Variants in RALGPS2 observed in about 807,000 individuals in gnomAD.
RALGPS2 encodes the protein Ral GEF with PH domain and SH3 binding motif 2.
A neutral mutation model predicts 86.8 loss-of-function variants in RALGPS2; 43 were observed. That is an observed-to-expected ratio of 0.50 (90% confidence interval 0.39 to 0.64). RALGPS2 has a LOEUF of 0.64. Among genes scored for constraint, RALGPS2 ranks in the 30% least tolerant of loss-of-function variants. The pLI is 0.00. For synonymous variants in RALGPS2, 243 were observed against 231.3 expected (o/e 1.05, Z -0.46); for missense variants, 536 against 694.6 (o/e 0.77, Z 2.57).
intron 6 of RALGPS2, among the ~76,000 whole-genome samples, chr1:178,820,309 T>C (rs1408802693): frequency 6.6e-6 from 1 of 152,178 alleles, no homozygotes; most frequent in Non-Finnish European, 1.5e-5. Context: ...AATTTAAAAA[T>C]TCTCCAAATC....
At chr1:178,741,082 T>TAA (rs1277555720) in intron 1 of RALGPS2, among the ~76,000 whole-genome samples, 1 of 152,260 alleles carries the variant, frequency 6.6e-6, no homozygotes, top group Non-Finnish European at 1.5e-5. Flanking sequence ...AGTCTAACTA[T>TAA]AGTTAATCTC....
At chr1:178,785,661 T>C in intron 4 of RALGPS2, 54 bp downstream of exon 4, 2 of 1,518,242 alleles carry the variant, frequency 1.3e-6, no homozygotes, top group South Asian at 2.6e-5. Context: ...CAATCTCAAA[T>C]TAAGTGTTTT....
intron 4 of RALGPS2, among the ~76,000 whole-genome samples, chr1:178,797,958 TTTGTC>T (rs991660745): frequency 1.3e-5 from 2 of 149,434 alleles, no homozygotes; most frequent in Non-Finnish European, 3.0e-5. Context: ...TTTTGGAAAT[TTTGTC>T]TTGAAGATTT....
chr1:178,746,984 G>C lies in RALGPS2; in HGVS notation c.-84+21565G>C, dbSNP rs913128091. 6.3e-6 allele frequency: 6 copies of C among 956,328 alleles called. No homozygotes were observed. In the South Asian group the frequency reaches 7.7e-5, roughly 12 times the overall value. The allele number at this position is 956,328 out of a possible 1,614,324, so 59.2% of individuals were successfully genotyped here. On this transcript the variant is annotated intron_variant, in intron 1 of 19. Transcript: ENST00000367635. ...TCTTCCTTAGAAAGTTCTTTCCATC[G>C]TTTCTGTATACTAGAATCTCCCTTT...
intron 4 of RALGPS2, among the ~76,000 whole-genome samples, chr1:178,802,218 G>A (rs140689508): frequency 2.0e-5 from 3 of 151,800 alleles, no homozygotes; most frequent in Non-Finnish European, 4.4e-5. Flanking sequence ...CTTAAAGTAA[G>A]CTAGAAAAAA....
intron 19 of RALGPS2, 57 bp downstream of exon 19, chr1:178,906,924 A>G (rs1320802770): frequency 8.8e-6 from 13 of 1,478,596 alleles, no homozygotes; most frequent in Non-Finnish European, 1.1e-5. Context: ...TATGTAAAAG[A>G]GTTCCAAGAG....
intron 10 of RALGPS2, chr1:178,879,363 A>G (rs1173903544): frequency 6.3e-6 from 1 of 159,802 alleles, no homozygotes; most frequent in African/African-American, 2.4e-5. Flanking sequence ...TTTAATGCTA[A>G]GTATTGACAC....
At chr1:178,743,784 A>G (rs974834606) in intron 1 of RALGPS2, among the ~76,000 whole-genome samples, 3 of 152,200 alleles carry the variant, frequency 2.0e-5, no homozygotes, top group Non-Finnish European at 2.9e-5. Context: ...CATACTACCA[A>G]ACTTCACTCA....
intron 19 of RALGPS2, among the ~76,000 whole-genome samples, chr1:178,913,781 T>C (rs1660710066): frequency 6.6e-6 from 1 of 152,222 alleles, no homozygotes; most frequent in Non-Finnish European, 1.5e-5. Context: ...CTGTGTCCTG[T>C]AACTCCCAAG....
chr1:178,740,434 T>C (rs912690067), intron 1 of RALGPS2, among the ~76,000 whole-genome samples: 4 of 152,190 alleles, frequency 2.6e-5, no homozygotes, highest in Non-Finnish European at 5.9e-5. Context: ...AAAATTTATA[T>C]AGTCAGTTAT....
At chr1:178,876,305 T>C (rs1036105922) in intron 8 of RALGPS2, among the ~76,000 whole-genome samples, 2 of 152,212 alleles carry the variant, frequency 1.3e-5, no homozygotes, top group African/African-American at 4.8e-5. Flanking sequence ...TTTAATAGAA[T>C]ATAAGTAATT....
chr1:178,907,042 A>G (rs1660415186), intron 19 of RALGPS2, among the ~76,000 whole-genome samples, 175 bp downstream of exon 19: 1 of 152,248 alleles, frequency 6.6e-6, no homozygotes. Context: ...GGAGCTAGAC[A>G]GTAATCATGC....
chr1:178,731,272 G>GTGT (rs1650333349), intron 1 of RALGPS2, among the ~76,000 whole-genome samples: 1 of 57,946 alleles, frequency 1.7e-5, no homozygotes, highest in African/African-American at 6.7e-5. Flanking sequence ...AGTTGTTTTG[G>GTGT]TTTTTTTTTT....
At chr1:178,753,670 G>A (rs958451901) in intron 1 of RALGPS2, 3 of 152,026 alleles carry the variant, frequency 2.0e-5, no homozygotes, top group African/African-American at 2.4e-5. Flanking sequence ...GAGACCAAGC[G>A]TCTCTGTCTT....
intron 1 of RALGPS2, among the ~76,000 whole-genome samples, chr1:178,751,509 C>CT (rs2102044737): frequency 6.6e-6 from 1 of 152,254 alleles, no homozygotes; most frequent in African/African-American, 2.4e-5. Flanking sequence ...TTCTGAACCT[C>CT]TTTAAGCCTC....
At chr1:178,892,982 A>G (rs1640130077) in intron 15 of RALGPS2, among the ~76,000 whole-genome samples, 1 of 152,126 alleles carries the variant, frequency 6.6e-6, no homozygotes, top group African/African-American at 2.4e-5. Context: ...CTCCCTGAAT[A>G]TAAATAGCTC....
At chr1:178,875,133 T>C (rs1658943548) in intron 8 of RALGPS2, among the ~76,000 whole-genome samples, 1 of 152,198 alleles carries the variant, frequency 6.6e-6, no homozygotes, top group African/African-American at 2.4e-5. Flanking sequence ...TTCTTTGGCA[T>C]GTTTATGGAC....
chr1:178,864,833 G>A (rs903659896), intron 8 of RALGPS2: 3 of 583,932 alleles, frequency 5.1e-6, no homozygotes, highest in African/African-American at 1.9e-5. Flanking sequence ...AAAAACAATA[G>A]AAATTTTAAT....
At chr1:178,905,161 G>T (rs1160818522) in intron 18 of RALGPS2, among the ~76,000 whole-genome samples, 1 of 152,026 alleles carries the variant, frequency 6.6e-6, no homozygotes, top group Non-Finnish European at 1.5e-5. Context: ...TCTCTGTTTG[G>T]TCATTGTTGG....
Sources: gnomAD v4.1 joint callset for allele counts (sites outside exome capture counted in the v4.1 genomes callset) on GRCh38, gnomAD v4.1.1 for gene constraint, MANE v1.5 for transcripts, NCBI Gene and HGNC (gene_info 2026-07-23, HGNC 2026-07-21) for gene names.